LAMA1: variants seen among roughly 807,000 people sequenced by gnomAD.
LAMA1 encodes laminin subunit alpha 1.
LAMA1 carries 219 observed loss-of-function variants against 348.7 expected under a neutral mutation model. The ratio of observed to expected loss-of-function variants is 0.63; its 90% CI spans 0.56 to 0.70. The LOEUF is 0.70. Among genes scored for constraint, LAMA1 ranks in the 30% least tolerant of loss-of-function variants. The probability of loss-of-function intolerance (pLI) is 0.00; values close to 1 mark genes in which losing one functional copy is unlikely to be tolerated. For synonymous variants in LAMA1, 1,487 were observed against 1,491.0 expected (o/e 1.00, Z 0.06); for missense variants, 3,744 against 3,888.0 (o/e 0.96, Z 0.99).
rs603258 is a variant in LAMA1 at position 7,015,715 on chromosome 18, T to C, written c.3126+7A>G. The C allele has an allele frequency of 0.24, 383,227 of 1,612,950 alleles. 47,507 individuals are homozygous for C. The highest frequency in any genetic ancestry group is 0.33 in the African/African-American group (24,685 of 74,802). ...AGTTAAGCAAGAGCGTGGATGACAG[T>C]GCTCACCTGGCACCCCACCTCCGCA... On this transcript the variant is annotated splice_region_variant and intron_variant, in intron 22 of 62. Transcript: ENST00000389658.
chr18:7,009,384 C>T lies in LAMA1; in HGVS notation c.3874-18G>A, dbSNP rs910599167. 16 of 1,613,548 alleles carry T rather than the reference C, an allele frequency of 9.9e-6. No homozygotes were observed. In the African/African-American group the frequency reaches 1.7e-4, roughly 18 times the overall value. On this transcript the variant is annotated intron_variant, in intron 26 of 62. Transcript: ENST00000389658. The stretch of plus-strand genomic sequence containing the variant: ...CAAAAATTCTGTAGAATGAGAAACA[C>T]ATTCAATTAAGCTCAGAGGCCAAAT...
rs1363696909 is a variant in LAMA1 at position 7,110,167 on chromosome 18, CA to C, written c.61+7492del. Among the ~76,000 whole-genome samples, 170 of 149,376 alleles carry C rather than the reference CA, an allele frequency of 1.1e-3. 2 individuals are homozygous for C. In the East Asian group the frequency reaches 0.033, roughly 29 times the overall value. Reference sequence around the variant, plus strand: ...CTGCACTCCAGCCTGGGTGACAGAGCAAGACTCCATCCCCCCACCCGCTGCC... The same window carrying C: ...CTGCACTCCAGCCTGGGTGACAGAGCAGACTCCATCCCCCCACCCGCTGCC... On this transcript the variant is annotated intron_variant, in intron 1 of 62. Coordinates refer to ENST00000389658, the MANE Select transcript of LAMA1 (RefSeq NM_005559.4).
chr18:6,988,107 G>C (rs1369988508), intron 36 of LAMA1, among the ~76,000 whole-genome samples: 1 of 151,944 alleles, frequency 6.6e-6, no homozygotes, highest in Non-Finnish European at 1.5e-5. Flanking sequence ...GAGTGAGACC[G>C]TGTCTCAAAA....
At chr18:7,024,293 A>G in intron 18 of LAMA1, 87 bp downstream of exon 18, 1 of 1,008,060 alleles carries the variant, frequency 9.9e-7, no homozygotes, top group Middle Eastern at 2.1e-4. Context: ...AAACTCCAAA[A>G]CCACACTTAA....
chr18:7,007,226 C>T lies in LAMA1; in HGVS notation c.4173G>A (p.Arg1391=). The change falls in exon 29 of 63, where the codon AGG becomes AGA. Residue 1391 remains arginine, a synonymous_variant. Coordinates refer to ENST00000389658, the MANE Select transcript of LAMA1 (RefSeq NM_005559.4). ...HRGKLPAGSD[R]GPRPLVAPCV... ...AAGGAGCAACCAGAGGGCGTGGTCC[C>T]CTGTCACTCCCTGCTGGGAGCTTCC... 1.9e-6 allele frequency: 3 copies of T among 1,614,114 alleles called. No homozygotes were observed. The highest frequency in any genetic ancestry group is 2.5e-6 in the Non-Finnish European group (3 of 1,180,018).
At chr18:6,942,419 CTT>C (rs914463112) in intron 62 of LAMA1, among the ~76,000 whole-genome samples, 180 bp from the exon 63 acceptor site, 2 of 146,758 alleles carry the variant, frequency 1.4e-5, no homozygotes, top group Admixed American at 1.4e-4. Context: ...TCAGAGAAAA[CTT>C]TTTTTTTTTT....
intron 1 of LAMA1, among the ~76,000 whole-genome samples, chr18:7,095,299 G>A (rs996696828): frequency 4.6e-5 from 7 of 152,032 alleles, no homozygotes; most frequent in African/African-American, 1.2e-4. Flanking sequence ...ACCCAGGCTG[G>A]ACCACATTAA....
intron 1 of LAMA1, among the ~76,000 whole-genome samples, chr18:7,093,945 T>C (rs2058250300): frequency 6.6e-6 from 1 of 151,818 alleles, no homozygotes; most frequent in South Asian, 2.1e-4. Flanking sequence ...CCGGCTAATT[T>C]TTTGTATTTT....
intron 3 of LAMA1, 79 bp from the exon 4 acceptor site, chr18:7,051,015 A>AC (rs1194149641): frequency 1.3e-6 from 2 of 1,541,798 alleles, no homozygotes; most frequent in African/African-American, 2.7e-5. Context: ...GCATGATCTA[A>AC]CTTAAAGGTA....
At chr18:7,045,540 G>C (rs2058038417) in intron 6 of LAMA1, among the ~76,000 whole-genome samples, 1 of 152,108 alleles carries the variant, frequency 6.6e-6, no homozygotes. Context: ...TGCTAAAAGA[G>C]ATAAACTGTT....
At position 6,983,140 on chromosome 18, in the gene LAMA1, G is replaced by C. The variant is rs1223524832; in HGVS notation, c.5755C>G (p.Leu1919Val). ...IQSLIEESEE[L>V]ARDAHRTVTE... is the part of the protein sequence containing the mutation. The stretch of plus-strand genomic sequence containing the variant: ...ACAGTCCTGTGAGCATCTCTGGCCA[G>C]TTCCTCCGATTCTTCAATCAGGCTC... The change falls in exon 40 of 63, where the codon CTG becomes GTG. Residue 1919 changes from leucine to valine, a missense_variant. This residue lies in a region of LAMA1 where 1,983 missense variants were observed against 1,934.3 expected (regional missense o/e 1.03). Coordinates refer to ENST00000389658, the MANE Select transcript of LAMA1 (RefSeq NM_005559.4). 2 of 1,614,156 alleles carry C rather than the reference G, an allele frequency of 1.2e-6. No individual in the cohort carries two copies. The highest frequency in any genetic ancestry group is 2.2e-5 in the South Asian group (2 of 91,082).
chr18:7,092,780 G>A (rs2058244663), intron 1 of LAMA1, among the ~76,000 whole-genome samples: 1 of 151,864 alleles, frequency 6.6e-6, no homozygotes, highest in African/African-American at 2.4e-5. Context: ...GTTTCTTTTG[G>A]TCTCCACGCT....
chr18:7,075,451 T>A (rs1306310889), intron 3 of LAMA1, among the ~76,000 whole-genome samples: 3 of 150,714 alleles, frequency 2.0e-5, no homozygotes, highest in Non-Finnish European at 4.4e-5. Context: ...GGAGAAACCC[T>A]GTCTCTACTA....
At chr18:7,087,434 G>A (rs1405911055) in intron 1 of LAMA1, among the ~76,000 whole-genome samples, 1 of 152,198 alleles carries the variant, frequency 6.6e-6, no homozygotes, top group Non-Finnish European at 1.5e-5. Context: ...GGAAGCCAGA[G>A]GATCCTGGAG....
intron 3 of LAMA1, among the ~76,000 whole-genome samples, chr18:7,076,076 T>G (rs1178593696): frequency 1.3e-5 from 2 of 152,054 alleles, no homozygotes; most frequent in Admixed American, 6.5e-5. Flanking sequence ...GAAAGAAAAG[T>G]AGAAGACAGC....
Position 7,008,475 on chromosome 18 carries a change from A to G in LAMA1, c.4122+13T>C, listed in dbSNP as rs750575727. Reference sequence around the variant, plus strand: ...CAAACCCAGGAAATAGATTTCGACTAGAGTCTCCGTACCTGACATGAGAAT... The same window carrying G: ...CAAACCCAGGAAATAGATTTCGACTGGAGTCTCCGTACCTGACATGAGAAT... On this transcript the variant is annotated intron_variant, in intron 28 of 62. Transcript: ENST00000389658. The G allele has an allele frequency of 5.6e-6, 9 of 1,613,920 alleles. No individual in the cohort carries two copies. In the South Asian group the frequency reaches 9.9e-5, roughly 18 times the overall value.
chr18:7,117,082 G>C (rs2058360072), intron 1 of LAMA1, among the ~76,000 whole-genome samples: 1 of 152,100 alleles, frequency 6.6e-6, no homozygotes, highest in Non-Finnish European at 1.5e-5. Flanking sequence ...CCCCCTGCCC[G>C]GGACGGCTGG....
At chr18:6,979,892 C>G (rs2057702914) in intron 42 of LAMA1, among the ~76,000 whole-genome samples, 1 of 152,178 alleles carries the variant, frequency 6.6e-6, no homozygotes, top group African/African-American at 2.4e-5. Flanking sequence ...GAGCGAGACT[C>G]TGTCTCAAAA....
intron 10 of LAMA1, among the ~76,000 whole-genome samples, chr18:7,039,501 T>C (rs190965229): frequency 1.3e-5 from 2 of 152,316 alleles, no homozygotes; most frequent in African/African-American, 4.8e-5. Flanking sequence ...CTGCGTTTAA[T>C]TGGTGTTCTC....
Sources: gnomAD v4.1 joint callset for allele counts (sites outside exome capture counted in the v4.1 genomes callset) on GRCh38, gnomAD v4.1.1 for gene constraint, gnomAD v4.1.1 regional missense constraint, MANE v1.5 for transcripts, NCBI Gene and HGNC (gene_info 2026-07-23, HGNC 2026-07-21) for gene names.